The following ROBO1 variants were observed in gnomAD, a reference collection of about 807,000 sequenced individuals.
ROBO1 encodes roundabout homolog 1.
ROBO1 carries 149 observed loss-of-function variants against 195.9 expected under a neutral mutation model. That is an observed-to-expected ratio of 0.76 (90% CI 0.67 to 0.87). The LOEUF is 0.87. Among genes scored for constraint, ROBO1 ranks in the 40% least tolerant of loss-of-function variants. The probability of loss-of-function intolerance (pLI) is 0.00; values close to 1 mark genes in which losing one functional copy is unlikely to be tolerated. For missense variants in ROBO1, 1,933 were observed against 2,068.3 expected (o/e 0.93, Z 1.27); for synonymous variants, 816 against 733.2 (o/e 1.11, Z -1.82).
chr3:78,757,367 T>C (rs2082961462), intron 4 of ROBO1, among the ~76,000 whole-genome samples: 1 of 152,056 alleles, frequency 6.6e-6, no homozygotes, highest in Non-Finnish European at 1.5e-5. Context: ...ATCTTTTAAG[T>C]GCCTGAAAAA....
intron 2 of ROBO1, among the ~76,000 whole-genome samples, chr3:79,560,087 CACTT>C (rs1405364129): frequency 2.4e-4 from 37 of 151,978 alleles, no homozygotes; most frequent in Non-Finnish European, 3.1e-4. Flanking sequence ...ATTTTATTAA[CACTT>C]ACTCACGTTA....
chr3:79,425,835 T>C (rs1396405043), intron 2 of ROBO1, among the ~76,000 whole-genome samples: 2 of 152,102 alleles, frequency 1.3e-5, no homozygotes, highest in African/African-American at 2.4e-5. Context: ...GAGAGGAAAT[T>C]AGAAACACAA....
intron 1 of ROBO1, among the ~76,000 whole-genome samples, chr3:79,718,239 T>A (rs1280100831): frequency 6.6e-6 from 1 of 152,076 alleles, no homozygotes. Flanking sequence ...TTATAAATCA[T>A]AATGACCAGA....
At chr3:78,615,776 AGAT>A (rs1438615495) in intron 27 of ROBO1, among the ~76,000 whole-genome samples, 1 of 152,214 alleles carries the variant, frequency 6.6e-6, no homozygotes, top group African/African-American at 2.4e-5. Flanking sequence ...ACACATTTAA[AGAT>A]GATAACTGAA....
At chr3:78,749,836 T>G (rs1047644277) in intron 4 of ROBO1, among the ~76,000 whole-genome samples, 5 of 152,162 alleles carry the variant, frequency 3.3e-5, no homozygotes, top group African/African-American at 1.2e-4. Context: ...TTAACCAAAG[T>G]ATATATACTT....
At chr3:78,624,782 C>A (rs1357206629) in intron 26 of ROBO1, among the ~76,000 whole-genome samples, 1 of 151,872 alleles carries the variant, frequency 6.6e-6, no homozygotes, top group Non-Finnish European at 1.5e-5. Context: ...TGGGAACAGA[C>A]TCTTATGAAG....
Position 78,860,302 on chromosome 3 carries a change from C to CTA in ROBO1, c.499+78297_499+78298dup, listed in dbSNP as rs1200780060. 6.1e-3 allele frequency among the ~76,000 whole-genome samples: 640 copies of CTA among 104,710 alleles called. 11 individuals carry two copies. Among genetic ancestry groups the CTA allele is most frequent in the East Asian group, 0.013 (46 of 3,672 alleles). The allele number at this position is 104,710 out of a possible 152,430, so 68.7% of individuals were successfully genotyped here. A position where few individuals can be genotyped will look rare whatever the true frequency, so the allele number is the denominator to read the frequency against. ...AATTTGAGAGGAAAATTGAAATATA[C>CTA]TATATATATATATATATATATATAT... On this transcript the variant is annotated intron_variant, in intron 4 of 30. Coordinates refer to ENST00000464233, the MANE Select transcript of ROBO1 (RefSeq NM_002941.4).
chr3:79,190,871 G>T (rs1453842322), intron 2 of ROBO1, among the ~76,000 whole-genome samples: 1 of 151,454 alleles, frequency 6.6e-6, no homozygotes, highest in Admixed American at 6.6e-5. Flanking sequence ...GTGAAGGAAT[G>T]AATGCAAAAA....
chr3:79,029,240 A>C (rs1358160973), intron 3 of ROBO1, among the ~76,000 whole-genome samples: 1 of 152,104 alleles, frequency 6.6e-6, no homozygotes, highest in East Asian at 1.9e-4. Context: ...AGGAGTTTGA[A>C]AGACTTAGTT....
chr3:79,232,252 A>ATATATAT (rs1449155326), intron 2 of ROBO1, among the ~76,000 whole-genome samples: 1 of 145,024 alleles, frequency 6.9e-6, no homozygotes, highest in Non-Finnish European at 1.5e-5. Flanking sequence ...TGATTTAAAA[A>ATATATAT]AAAAAAAAAT....
intron 1 of ROBO1, among the ~76,000 whole-genome samples, chr3:79,642,478 A>C (rs1175961819): frequency 6.6e-6 from 1 of 152,142 alleles, no homozygotes; most frequent in African/African-American, 2.4e-5. Flanking sequence ...AATATAATAA[A>C]ACTCTCAAAG....
At chr3:79,514,305 C>CG (rs1487901438) in intron 2 of ROBO1, among the ~76,000 whole-genome samples, 1 of 152,004 alleles carries the variant, frequency 6.6e-6, no homozygotes, top group Non-Finnish European at 1.5e-5. Flanking sequence ...ACGTGGTGTG[C>CG]GGGGGTGGAG....
At chr3:78,860,326 A>ATATATATATATATATATATATATATTTTT (rs376853384) in intron 4 of ROBO1, among the ~76,000 whole-genome samples, 1 of 93,506 alleles carries the variant, frequency 1.1e-5, no homozygotes. Context: ...ATATATATAT[A>ATATATATATATATATATATATATATTTTT]TTTTTTTTTT....
At chr3:79,224,601 T>C (rs1235233248) in intron 2 of ROBO1, among the ~76,000 whole-genome samples, 1 of 152,266 alleles carries the variant, frequency 6.6e-6, no homozygotes, top group Non-Finnish European at 1.5e-5. Context: ...ACATGTGTGC[T>C]GTGCCCTCTA....
intron 4 of ROBO1, among the ~76,000 whole-genome samples, chr3:78,892,708 A>G (rs1209559149): frequency 6.6e-6 from 1 of 152,184 alleles, no homozygotes; most frequent in Non-Finnish European, 1.5e-5. Context: ...GTGAAGAAAT[A>G]CTTAGTTCAT....
chr3:79,589,857 G>A lies in ROBO1; in HGVS notation c.55C>T (p.Pro19Ser). 1 of 1,611,122 alleles carries A rather than the reference G, an allele frequency of 6.2e-7. No homozygotes were observed. The highest frequency in any genetic ancestry group is 8.5e-7 in the Non-Finnish European group (1 of 1,177,954). The change falls in exon 2 of 31, where the codon CCA becomes TCA. Residue 19 changes from proline (P) to serine (S), a missense_variant. By Grantham distance (74) the Pro-to-Ser change is moderately conservative. This residue lies in a region of ROBO1 where 185 missense variants were observed against 159.5 expected (regional missense o/e 1.16). Coordinates refer to ENST00000464233, the MANE Select transcript of ROBO1 (RefSeq NM_002941.4). ...LVMISLLSLSPNHLFLAQLIP... is the reference protein window; with the variant it reads ...LVMISLLSLSSNHLFLAQLIP... ...AGCTGGGCCAGAAACAGGTGATTTG[G>A]GGATAAGCTGAGGAGTGATATCATG...
chr3:79,531,051 A>G lies in ROBO1; in HGVS notation c.88+58773T>C, dbSNP rs1246580620. Among the ~76,000 whole-genome samples, 7 of 151,990 alleles carry G rather than the reference A, an allele frequency of 4.6e-5. No individual in the cohort carries two copies. The East Asian group carries it at 1.4e-3, about 30-fold the overall frequency. ...CTATTTTTCTCATAAGTCAGACTTC[A>G]TTTCTCCTGGAAACCCTTCCTTGAA... On this transcript the variant is annotated intron_variant, in intron 2 of 30. Coordinates refer to ENST00000464233, the MANE Select transcript of ROBO1 (RefSeq NM_002941.4).
intron 4 of ROBO1, among the ~76,000 whole-genome samples, chr3:78,915,659 ATTCC>A (rs1296078023): frequency 6.6e-6 from 1 of 151,192 alleles, no homozygotes; most frequent in African/African-American, 2.4e-5. Flanking sequence ...TGCATTTAAA[ATTCC>A]TTCCTTCCTT....
At position 79,203,304 on chromosome 3, in the gene ROBO1, A is replaced by G. The variant is rs1344894529; in HGVS notation, c.89-77765T>C. Among the ~76,000 whole-genome samples the G allele has an allele frequency of 8.5e-5, 13 of 152,146 alleles. No individual in the cohort carries two copies. In the South Asian group the frequency reaches 2.7e-3, roughly 31 times the overall value. On this transcript the variant is annotated intron_variant, in intron 2 of 30. Transcript: ENST00000464233. ...TCTTGCTGAGAGCGGTTTGTCTGGG[A>G]GCATAAAGTGCCTGAATTGGCACAA...
Sources: gnomAD v4.1 joint callset for allele counts (sites outside exome capture counted in the v4.1 genomes callset) on GRCh38, gnomAD v4.1.1 for gene constraint, gnomAD v4.1.1 regional missense constraint, MANE v1.5 for transcripts, NCBI Gene and HGNC (gene_info 2026-07-23, HGNC 2026-07-21) for gene names.